TMEM156: variants seen among roughly 807,000 people sequenced by gnomAD.
TMEM156 encodes transmembrane protein 156.
In TMEM156, 28 loss-of-function variants were observed where a neutral mutation model predicts 30.5. That is an observed-to-expected ratio of 0.92 (90% CI 0.68 to 1.26). The LOEUF is 1.26. Among genes scored for constraint, TMEM156 ranks in the 50% most tolerant of loss-of-function variants. The pLI is 0.00. For synonymous variants in TMEM156, 137 were observed against 119.9 expected (o/e 1.14, Z -0.93); for missense variants, 351 against 340.6 (o/e 1.03, Z -0.24).
At chr4:39,029,470 T>TAAAAACCAAGACAATTATGTCCAAG (rs376272164) in intron 1 of TMEM156, among the ~76,000 whole-genome samples, 8 of 90,794 alleles carry the variant, frequency 8.8e-5, no homozygotes, top group African/African-American at 1.5e-4. Context: ...AACTAATTTT[T>TAAAAACCAAGACAATTATGTCCAAG]TTGGGAGGCC....
intron 5 of TMEM156, among the ~76,000 whole-genome samples, chr4:38,981,758 G>A (rs773630463): frequency 5.3e-5 from 8 of 152,170 alleles, no homozygotes; most frequent in Non-Finnish European, 1.0e-4. Context: ...TACGGAAGGT[G>A]CTTAATGAGA....
At chr4:39,017,633 T>G (rs571021706) in intron 1 of TMEM156, among the ~76,000 whole-genome samples, 117 of 152,358 alleles carry the variant, frequency 7.7e-4, no homozygotes, top group Non-Finnish European at 1.4e-3. Flanking sequence ...CTGGGAAGTA[T>G]GTTTAAAATC....
At chr4:38,991,024 A>G (rs1369966639) in intron 3 of TMEM156, among the ~76,000 whole-genome samples, 1 of 150,444 alleles carries the variant, frequency 6.6e-6, no homozygotes, top group Non-Finnish European at 1.5e-5. Flanking sequence ...TAGTAGAGAC[A>G]GGGTTTCACC....
chr4:38,994,853 G>C (rs151237593), intron 2 of TMEM156, among the ~76,000 whole-genome samples: 28 of 152,050 alleles, frequency 1.8e-4, no homozygotes, highest in Admixed American at 8.5e-4. Flanking sequence ...CAGGAGACTC[G>C]TTTGAACCTG....
At chr4:38,978,955 G>A (rs1041981579) in intron 5 of TMEM156, among the ~76,000 whole-genome samples, 5 of 152,154 alleles carry the variant, frequency 3.3e-5, no homozygotes, top group African/African-American at 1.2e-4. Flanking sequence ...ACTGGCAAGG[G>A]AATGCATTTT....
At chr4:39,004,628 G>T (rs1393566408) in intron 1 of TMEM156, among the ~76,000 whole-genome samples, 1 of 151,986 alleles carries the variant, frequency 6.6e-6, no homozygotes, top group African/African-American at 2.4e-5. Flanking sequence ...TAGTCATGTT[G>T]ATACATAGAG....
At chr4:38,984,349 C>CTCTCTG (rs373013385) in intron 5 of TMEM156, among the ~76,000 whole-genome samples, 10 of 131,016 alleles carry the variant, frequency 7.6e-5, no homozygotes, top group African/African-American at 2.4e-4. Flanking sequence ...CTCTCTCTCT[C>CTCTCTG]TGTGTGTGTG....
intron 1 of TMEM156, among the ~76,000 whole-genome samples, chr4:39,000,418 A>C (rs1267344284): frequency 6.6e-6 from 1 of 152,086 alleles, no homozygotes; most frequent in Non-Finnish European, 1.5e-5. Context: ...TTCCAGTGCT[A>C]TATCTGTCAG....
chr4:38,994,217 C>T (rs1180712079), intron 2 of TMEM156, among the ~76,000 whole-genome samples: 5 of 152,066 alleles, frequency 3.3e-5, no homozygotes, highest in South Asian at 2.1e-4. Context: ...CTCACCCTCC[C>T]GGGCTCAAGC....
At chr4:39,001,551 T>C (rs528628904) in intron 1 of TMEM156, among the ~76,000 whole-genome samples, 5 of 151,734 alleles carry the variant, frequency 3.3e-5, no homozygotes, top group African/African-American at 1.2e-4. Flanking sequence ...CTTTTTTTTT[T>C]TTAATAATTA....
intron 2 of TMEM156, among the ~76,000 whole-genome samples, chr4:38,994,777 A>G (rs542805873): frequency 6.6e-6 from 1 of 152,146 alleles, no homozygotes; most frequent in Admixed American, 6.5e-5. Flanking sequence ...GCAAAATCCT[A>G]TCTCTACTAA....
At chr4:38,982,477 T>C (rs1711653345) in intron 5 of TMEM156, among the ~76,000 whole-genome samples, 2 of 152,236 alleles carry the variant, frequency 1.3e-5, no homozygotes, top group African/African-American at 4.8e-5. Context: ...AGTGGAATTC[T>C]ATGCCCTGTA....
intron 1 of TMEM156, among the ~76,000 whole-genome samples, chr4:39,016,778 A>C (rs1382464344): frequency 6.6e-6 from 1 of 152,164 alleles, no homozygotes; most frequent in Non-Finnish European, 1.5e-5. Context: ...AAATGTATTG[A>C]GGCTTGTTTT....
intron 1 of TMEM156, among the ~76,000 whole-genome samples, chr4:39,017,967 A>T (rs1426849093): frequency 6.6e-6 from 1 of 151,938 alleles, no homozygotes; most frequent in Non-Finnish European, 1.5e-5. Flanking sequence ...ACCTGGATAG[A>T]TTTGCCCATT....
intron 1 of TMEM156, among the ~76,000 whole-genome samples, chr4:39,003,536 G>A (rs1172701261): frequency 2.6e-5 from 4 of 151,970 alleles, no homozygotes; most frequent in Admixed American, 2.6e-4. Flanking sequence ...GTTTCTTCAT[G>A]TTTGTCAGGC....
chr4:38,970,396 G>A (rs186274404), intron 6 of TMEM156, among the ~76,000 whole-genome samples: 28 of 152,112 alleles, frequency 1.8e-4, no homozygotes, highest in African/African-American at 6.3e-4. Flanking sequence ...AACCACCCAC[G>A]TATTCTGAAG....
At chr4:39,019,632 C>A (rs770993258) in intron 1 of TMEM156, among the ~76,000 whole-genome samples, 1 of 151,942 alleles carries the variant, frequency 6.6e-6, no homozygotes, top group Non-Finnish European at 1.5e-5. Flanking sequence ...TTGCTTTAAA[C>A]TTCATATATT....
At chr4:38,994,241 T>C (rs1712761823) in intron 2 of TMEM156, among the ~76,000 whole-genome samples, 1 of 152,062 alleles carries the variant, frequency 6.6e-6, no homozygotes, top group African/African-American at 2.4e-5. Context: ...CCTCCCACCT[T>C]AGCCTCCTGA....
rs576405774 is a variant in TMEM156, at chr4:38,993,678, T to A, written c.619+60A>T. 3.8e-5 allele frequency: 57 copies of A among 1,484,336 alleles called. No homozygotes were observed. The African/African-American group carries it at 7.4e-4, about 19-fold the overall frequency. 91.9% of individuals were successfully genotyped at this position (1,484,336 alleles called of 1,614,324 possible). A position where few individuals can be genotyped will look rare whatever the true frequency, so the allele number is the denominator to read the frequency against. ...TTTCAGTTAATGTGATAGCCCTTAC[T>A]TAATTTTACATATCTATATCGGATA... On this transcript the variant is annotated intron_variant, in intron 3 of 6. Transcript: ENST00000381938.
Sources: gnomAD v4.1 joint callset for allele counts (sites outside exome capture counted in the v4.1 genomes callset) on GRCh38, gnomAD v4.1.1 for gene constraint, MANE v1.5 for transcripts, NCBI Gene and HGNC (gene_info 2026-07-23, HGNC 2026-07-21) for gene names.